The following GRAMD1A variants were observed in gnomAD, a reference collection of about 807,000 sequenced individuals.
GRAMD1A encodes GRAM domain containing 1A.
GRAMD1A carries 50 observed loss-of-function variants against 92.0 expected under a neutral mutation model. That is an observed-to-expected ratio of 0.54 (90% CI 0.43 to 0.69). GRAMD1A has a LOEUF of 0.69. Ranked by LOEUF, GRAMD1A falls within the 30% of genes least tolerant of loss-of-function variation. The pLI, the probability that GRAMD1A is intolerant of heterozygous loss-of-function variation, is 0.00. For missense variants in GRAMD1A, 819 were observed against 978.9 expected (o/e 0.84, Z 2.18); for synonymous variants, 405 against 403.6 (o/e 1.00, Z -0.04).
chr19:34,998,298 C>CTTTTTTT (rs67881737), upstream of GRAMD1A: 3 of 76,956 alleles, frequency 3.9e-5, no homozygotes, highest in Admixed American at 1.9e-4. Context: ...TATTTTCTTC[C>CTTTTTTT]TTTTTTTTTT....
In GRAMD1A at chr19:35,011,539, T is replaced by G. The variant is rs757682786; in HGVS notation, c.591T>G (p.Asn197Lys). ...CFLLIFRLWQ[N>K]ALLEKTLSPR... is the part of the protein sequence containing the mutation. ...TCCTCATCTTCCGCCTCTGGCAGAA[T>G]GCACTGCTTGAAAAGGTGGGCCTGG... Residue 197 changes from asparagine to lysine, a missense_variant, in exon 7 of 20, where the codon AAT (asparagine) becomes AAG (lysine). By Grantham distance (94) the Asn-to-Lys change is moderately conservative (BLOSUM62 0). Coordinates refer to ENST00000317991, the MANE Select transcript of GRAMD1A (RefSeq NM_020895.5). The G allele has an allele frequency of 3.7e-6, 6 of 1,610,662 alleles. No individual in the cohort carries two copies.
intron 4 of GRAMD1A, 53 bp downstream of exon 4, chr19:35,010,025 C>T (rs950448153): frequency 6.5e-7 from 1 of 1,530,714 alleles, no homozygotes; most frequent in South Asian, 1.1e-5. Flanking sequence ...TGACTCTCCG[C>T]CAGCCCGCGG....
chr19:35,013,367 G>T lies in GRAMD1A; in HGVS notation c.718G>T (p.Gly240Trp). The T allele has an allele frequency of 6.4e-7, 1 of 1,551,392 alleles. No individual in the cohort carries two copies. The change falls in exon 8 of 20, where the codon GGG becomes TGG. Residue 240 changes from glycine (G) to tryptophan (W), a missense_variant and splice_region_variant. Transcript: ENST00000317991. The surrounding 1 kb of genome is among the most constrained non-coding windows in gnomAD (Gnocchi z 4.9). ...YVSPLQLNGL[G>W]TPKEVGDVIA... ...CTCCCCCTTGCAGCTGAACGGTCTG[G>T]GGTGAGTTGGAGGTCAAAGGAGGTT... is the stretch of plus-strand genomic sequence containing the variant.
Position 35,014,406 on chromosome 19 carries a change from A to G in GRAMD1A, c.1069+19A>G. 1 of 1,605,110 alleles carries G rather than the reference A, an allele frequency of 6.2e-7. No individual in the cohort carries two copies. The highest frequency in any genetic ancestry group is 8.5e-7 in the Non-Finnish European group (1 of 1,171,970). ...GAGGAAGGTGAGGCAGGCGGGCCCAATTCATTCGCCTCCGGTACTTGCAAG... is the reference window on the plus strand; with the variant it reads ...GAGGAAGGTGAGGCAGGCGGGCCCAGTTCATTCGCCTCCGGTACTTGCAAG... On this transcript the variant is annotated intron_variant, in intron 10 of 19. Coordinates refer to ENST00000317991, the MANE Select transcript of GRAMD1A (RefSeq NM_020895.5).
rs1288219800 is a variant in GRAMD1A, at chr19:35,021,103, TG to T, written c.1476-395del. On this transcript the variant is annotated intron_variant, in intron 13 of 19. Transcript: ENST00000317991. The surrounding 1 kb of genome is among the most constrained non-coding windows in gnomAD (Gnocchi z 5.3). ...TGGGGGCGGCAGGGAGGAATGGGTT[TG>T]GGGAAAGACCAGGAGGTCAGTTTGG... Among the ~76,000 whole-genome samples the T allele has an allele frequency of 6.6e-6, 1 of 152,058 alleles. No homozygotes were observed. Among genetic ancestry groups the T allele is most frequent in the Non-Finnish European group, 1.5e-5 (1 of 68,008 alleles).
chr19:34,996,249 A>C, upstream of GRAMD1A: 1 of 1,535,314 alleles, frequency 6.5e-7, no homozygotes, highest in Non-Finnish European at 8.7e-7. Flanking sequence ...CGACGCCGGC[A>C]GCAGCAGAGG....
At chr19:35,003,505 T>C (rs1428770954) in intron 1 of GRAMD1A, among the ~76,000 whole-genome samples, 1 of 152,128 alleles carries the variant, frequency 6.6e-6, no homozygotes, top group Non-Finnish European at 1.5e-5. Context: ...TGCCCAGCCC[T>C]GGAGCAAAAA....
Position 35,009,227 on chromosome 19 carries a change from C to T in GRAMD1A, c.117C>T (p.Thr39=). 6.2e-7 allele frequency: 1 copy of T among 1,613,742 alleles called. No individual in the cohort carries two copies. ...SRPPPEPEPG[T]MVEKGSDSSS... ...CCCCACCTGAGCCAGAACCAGGCAC[C>T]ATGGTGGAGAAGGGATCAGATAGCT... The change falls in exon 2 of 20, where the codon ACC becomes ACT. Residue 39 remains threonine, a synonymous_variant. Coordinates refer to ENST00000317991, the MANE Select transcript of GRAMD1A (RefSeq NM_020895.5).
At chr19:34,996,029 G>T, upstream of GRAMD1A, 1 of 1,533,884 alleles carries the variant, frequency 6.5e-7, no homozygotes. Context: ...CTCCATGGAT[G>T]ATGTCCTGCC....
rs2015858566 is a variant in GRAMD1A, at chr19:35,019,212, G to A, written c.1235G>A (p.Ser412Asn). The change falls in exon 12 of 20, where the codon AGT becomes AAT. Residue 412 changes from serine to asparagine, a missense_variant. By Grantham distance (46) the Ser-to-Asn change is conservative. Transcript: ENST00000317991. ...KFTDVTLSPWSGDSKCHQRRV... is the reference protein window; with the variant it reads ...KFTDVTLSPWNGDSKCHQRRV... ...CTAGACGTGACGCTGAGCCCCTGGAGTGGGGACAGCAAGTGCCACCAGCGC... is the reference window on the plus strand; with the variant it reads ...CTAGACGTGACGCTGAGCCCCTGGAATGGGGACAGCAAGTGCCACCAGCGC... 1.2e-6 allele frequency: 2 copies of A among 1,611,856 alleles called. No homozygotes were observed. Among genetic ancestry groups the A allele is most frequent in the Admixed American group, 1.7e-5 (1 of 59,918 alleles).
At chr19:35,015,546 G>A (rs772151449) in intron 10 of GRAMD1A, 6 of 364,242 alleles carry the variant, frequency 1.6e-5, no homozygotes, top group South Asian at 9.2e-5. Context: ...CCCAGGAGGC[G>A]TGCTATCTGG....
At position 35,009,129 on chromosome 19, in the gene GRAMD1A, C is replaced by A. The variant is rs754498083; in HGVS notation, c.19C>A (p.His7Asn). MFDTTP[H>N]SGRSTPSSSP... is the part of the protein sequence containing the mutation. ...TCTTCCTGCCCCCAGCACCACACCC[C>A]ACTCTGGCCGGAGCACGCCAAGCAG... Residue 7 changes from histidine to asparagine, a missense_variant, in exon 2 of 20, where the codon CAC becomes AAC. By Grantham distance (68) the His-to-Asn change is moderately conservative (BLOSUM62 1). Around this residue, in one of 3 missense-constraint regions of GRAMD1A, gnomAD observed 98 missense variants for 84.0 expected, o/e 1.17. Coordinates refer to ENST00000317991, the MANE Select transcript of GRAMD1A (RefSeq NM_020895.5). The A allele has an allele frequency of 1.9e-6, 3 of 1,612,406 alleles. No individual in the cohort carries two copies. The South Asian group carries it at 3.3e-5, about 18-fold the overall frequency.
chr19:35,015,889 G>A lies in GRAMD1A; in HGVS notation c.1135G>A (p.Gly379Ser). 6.2e-7 allele frequency: 1 copy of A among 1,614,042 alleles called. No homozygotes were observed. The highest frequency in any genetic ancestry group is 8.5e-7 in the Non-Finnish European group (1 of 1,179,942). ...RLLINSVFHV[G>S]AERLQQMLFS... Reference sequence around the variant, plus strand: ...CCTCATCAACTCTGTCTTCCATGTGGGCGCTGAGCGGCTCCAGCAGATGCT... The same window carrying A: ...CCTCATCAACTCTGTCTTCCATGTGAGCGCTGAGCGGCTCCAGCAGATGCT... The change falls in exon 11 of 20, where the codon GGC becomes AGC. Residue 379 changes from glycine to serine, a missense_variant. Gly to Ser is a moderately conservative substitution (Grantham distance 56). Around this residue, in one of 3 missense-constraint regions of GRAMD1A, gnomAD observed 577 missense variants for 674.6 expected, o/e 0.86. Coordinates refer to ENST00000317991, the MANE Select transcript of GRAMD1A (RefSeq NM_020895.5).
intron 1 of GRAMD1A, among the ~76,000 whole-genome samples, chr19:35,007,413 C>T (rs961195256): frequency 3.4e-4 from 51 of 152,200 alleles, no homozygotes; most frequent in African/African-American, 1.0e-3. Flanking sequence ...CAAAAATTAG[C>T]GGGGCATGAT....
At chr19:35,004,546 C>T (rs1449581007) in intron 1 of GRAMD1A, among the ~76,000 whole-genome samples, 1 of 152,146 alleles carries the variant, frequency 6.6e-6, no homozygotes, top group African/African-American at 2.4e-5. Context: ...TTCTTACTGA[C>T]GGTCTATGTT....
chr19:35,010,682 TC>T (rs1292780932), intron 6 of GRAMD1A: 1 of 561,802 alleles, frequency 1.8e-6, no homozygotes, highest in Non-Finnish European at 3.1e-6. Context: ...TTGTGTCCTG[TC>T]CCTGTCATTG....
intron 7 of GRAMD1A, 22 bp downstream of exon 7, chr19:35,011,576 G>A (rs745956062): frequency 9.0e-6 from 14 of 1,558,136 alleles, no homozygotes; most frequent in Non-Finnish European, 1.2e-5. Context: ...TGAGGCCCGG[G>A]TGGGGATGGG....
At position 35,009,404 on chromosome 19, in the gene GRAMD1A, C is replaced by G; in HGVS notation, c.220-19C>G. 6.2e-7 allele frequency: 1 copy of G among 1,614,034 alleles called. No homozygotes were observed. Among genetic ancestry groups the G allele is most frequent in the Non-Finnish European group, 8.5e-7 (1 of 1,179,980 alleles). ...GGTGATCTAGGGGCTCATCCTGACT[C>G]CTCTCCTTTTCTTTGCAGAAGATGC... On this transcript the variant is annotated intron_variant, in intron 2 of 19. Coordinates refer to ENST00000317991, the MANE Select transcript of GRAMD1A (RefSeq NM_020895.5).
intron 6 of GRAMD1A, 150 bp downstream of exon 6, chr19:35,010,529 C>G: frequency 1.6e-6 from 1 of 627,152 alleles, no homozygotes; most frequent in South Asian, 1.8e-5. Flanking sequence ...CCCATCACCC[C>G]TGACCTGATC....
Sources: gnomAD v4.1 joint callset for allele counts (sites outside exome capture counted in the v4.1 genomes callset) on GRCh38, gnomAD v4.1.1 for gene constraint, gnomAD v4.1.1 regional missense constraint, Gnocchi (gnomAD v3.1) non-coding constraint, MANE v1.5 for transcripts, NCBI Gene and HGNC (gene_info 2026-07-23, HGNC 2026-07-21) for gene names.